The following BIRC6 variants were observed in gnomAD, a reference collection of about 807,000 sequenced individuals.
BIRC6 encodes the protein dual E2 ubiquitin-conjugating enzyme/E3 ubiquitin-protein ligase BIRC6.
BIRC6 carries 98 observed loss-of-function variants against 503.3 expected under a neutral mutation model. The observed-to-expected ratio is 0.19, with a 90% CI of 0.17 to 0.23. The LOEUF (loss-of-function observed/expected upper bound fraction) is 0.23, where lower values mean the gene tolerates loss of function less well. Ranked by LOEUF, BIRC6 falls within the 10% of genes least tolerant of loss-of-function variation. BIRC6 has a pLI of 1.00. For missense variants in BIRC6, 5,360 were observed against 5,806.0 expected (o/e 0.92, Z 2.50); for synonymous variants, 2,240 against 2,078.7 (o/e 1.08, Z -2.11).
chr2:32,497,229 T>C (rs2052583965), intron 45 of BIRC6, among the ~76,000 whole-genome samples: 1 of 152,226 alleles, frequency 6.6e-6, no homozygotes, highest in Admixed American at 6.5e-5. Flanking sequence ...AGGCTGGCTT[T>C]GAACTCCTGA....
rs114187489 is a variant in BIRC6 at position 32,491,690 on chromosome 2, T to C, written c.8340+132T>C. ...TTATGTATCAATATAATAAAAAAGGTTTTGTTATTTGTAATAATAGCTATA... is the reference window on the plus strand; with the variant it reads ...TTATGTATCAATATAATAAAAAAGGCTTTGTTATTTGTAATAATAGCTATA... On this transcript the variant is annotated intron_variant, in intron 44 of 73. Transcript: ENST00000421745. 6.9e-4 allele frequency: 700 copies of C among 1,021,306 alleles called. 9 individuals are homozygous for C. In the African/African-American group the frequency reaches 0.01, roughly 15 times the overall value. 63.3% of individuals were successfully genotyped at this position (1,021,306 alleles called of 1,614,324 possible). A position where few individuals can be genotyped will look rare whatever the true frequency, so the allele number is the denominator to read the frequency against.
At chr2:32,600,853 G>T (rs1300976775) in intron 70 of BIRC6, among the ~76,000 whole-genome samples, 1 of 152,094 alleles carries the variant, frequency 6.6e-6, no homozygotes, top group Non-Finnish European at 1.5e-5. Flanking sequence ...TAGGTATGAG[G>T]CTACATATCT....
At chr2:32,458,045 T>C (rs1480596061) in intron 23 of BIRC6, among the ~76,000 whole-genome samples, 1 of 152,168 alleles carries the variant, frequency 6.6e-6, no homozygotes, top group African/African-American at 2.4e-5. Context: ...CAATATAATA[T>C]AGAATTCTAT....
intron 23 of BIRC6, among the ~76,000 whole-genome samples, chr2:32,461,933 A>G (rs2048037413): frequency 6.6e-6 from 1 of 152,178 alleles, no homozygotes; most frequent in South Asian, 2.1e-4. Context: ...TTCCATGCTT[A>G]ACACTATGCC....
At chr2:32,472,101 C>T (rs1003573239) in intron 32 of BIRC6, among the ~76,000 whole-genome samples, 3 of 152,208 alleles carry the variant, frequency 2.0e-5, no homozygotes, top group African/African-American at 7.2e-5. Context: ...TTGTCTCGTT[C>T]TGTGGCCCAG....
chr2:32,470,124 G>A (rs370379703), intron 30 of BIRC6, 44 bp from the exon 31 acceptor site: 43 of 1,350,326 alleles, frequency 3.2e-5, no homozygotes, highest in Middle Eastern at 2.5e-4. Context: ...TTGAACAATC[G>A]AATTGATTCT....
Position 32,559,018 on chromosome 2 carries a change from C to G in BIRC6, c.13144+9537C>G, listed in dbSNP as rs115582783. The G allele has an allele frequency of 1.5e-3, 232 of 152,106 alleles. 1 individual carries two copies. The highest frequency in any genetic ancestry group is 5.4e-3 in the African/African-American group (224 of 41,524). The allele number at this position is 152,106 out of a possible 1,614,324, so 9.4% of individuals were successfully genotyped here. A position where few individuals can be genotyped will look rare whatever the true frequency, so the allele number is the denominator to read the frequency against. ...CTGTCTGATGAACCTTTACACTGTTCTTTTTCTTTTCAGCTGTTTGAAGAT... is the reference window on the plus strand; with the variant it reads ...CTGTCTGATGAACCTTTACACTGTTGTTTTTCTTTTCAGCTGTTTGAAGAT... On this transcript the variant is annotated intron_variant, in intron 65 of 73. Coordinates refer to ENST00000421745, the MANE Select transcript of BIRC6 (RefSeq NM_016252.4).
intron 54 of BIRC6, among the ~76,000 whole-genome samples, chr2:32,514,347 C>T (rs1434876795): frequency 6.6e-6 from 1 of 152,162 alleles, no homozygotes; most frequent in Non-Finnish European, 1.5e-5. Context: ...AAATGTAAAG[C>T]TAGAAAATTT....
chr2:32,497,990 T>A (rs1230393050), intron 45 of BIRC6, among the ~76,000 whole-genome samples: 1 of 152,234 alleles, frequency 6.6e-6, no homozygotes, highest in Non-Finnish European at 1.5e-5. Context: ...TTTTAAGAAA[T>A]CTTTTTCTGT....
Position 32,524,888 on chromosome 2 carries a change from A to G in BIRC6, c.11624A>G (p.Asp3875Gly). The change falls in exon 58 of 74, where the codon GAT (aspartate) becomes GGT (glycine). Residue 3875 changes from aspartate to glycine, a missense_variant and splice_region_variant. Transcript: ENST00000421745. Reference sequence around the variant, plus strand: ...TATTTTAGATAATATCTTCTTACAGATACTCCAAGTATCACAGCTAAATTA... The same window carrying G: ...TATTTTAGATAATATCTTCTTACAGGTACTCCAAGTATCACAGCTAAATTA... ...TLSDVLDRVSDTPSITAKLIS... is the reference protein window; with the variant it reads ...TLSDVLDRVSGTPSITAKLIS... The G allele has an allele frequency of 6.9e-7, 1 of 1,447,810 alleles. No individual in the cohort carries two copies. The highest frequency in any genetic ancestry group is 9.2e-7 in the Non-Finnish European group (1 of 1,082,880). The allele number at this position is 1,447,810 out of a possible 1,614,324, so 89.7% of individuals were successfully genotyped here.
chr2:32,362,792 T>C (rs576616184), intron 1 of BIRC6, among the ~76,000 whole-genome samples: 2 of 139,112 alleles, frequency 1.4e-5, no homozygotes, highest in Non-Finnish European at 3.1e-5. Context: ...GTCTTAAAAA[T>C]TTTTTTTTTT....
rs1196455561 is a variant in BIRC6 at position 32,503,185 on chromosome 2, C to G, written c.9448C>G (p.Leu3150Val). The G allele has an allele frequency of 3.7e-6, 6 of 1,613,080 alleles. No individual in the cohort carries two copies. The highest frequency in any genetic ancestry group is 5.1e-6 in the Non-Finnish European group (6 of 1,179,562). The stretch of plus-strand genomic sequence containing the variant: ...TGACAGCACATTGAAAACAAGAATA[C>G]TAGCTTCTGAGCCTGACAATGCTGA... Reference protein sequence around the residue: ...AVDSTLKTRILASEPDNAEGI... With the variant: ...AVDSTLKTRIVASEPDNAEGI... Residue 3150 changes from leucine to valine, a missense_variant, in exon 49 of 74, where the codon CTA becomes GTA. Leu to Val is a conservative substitution (Grantham distance 32, BLOSUM62 1). This residue lies in a region of BIRC6 where 267 missense variants were observed against 287.6 expected (regional missense o/e 0.93). Transcript: ENST00000421745.
chr2:32,458,219 CTTTCAGAATT>C (rs887420922), intron 23 of BIRC6, among the ~76,000 whole-genome samples: 5 of 151,790 alleles, frequency 3.3e-5, no homozygotes, highest in African/African-American at 1.2e-4. Context: ...CCTTTTTTTG[CTTTCAGAATT>C]TTTCTGTGAT....
At chr2:32,498,161 A>C (rs2052712115) in intron 45 of BIRC6, among the ~76,000 whole-genome samples, 1 of 152,122 alleles carries the variant, frequency 6.6e-6, no homozygotes, top group Non-Finnish European at 1.5e-5. Flanking sequence ...TTCTGGGTTC[A>C]CGTGATTTTC....
At chr2:32,613,203 G>A (rs2063000463) in intron 73 of BIRC6, among the ~76,000 whole-genome samples, 1 of 151,388 alleles carries the variant, frequency 6.6e-6, no homozygotes, top group African/African-American at 2.4e-5. Context: ...TTGTTTGTTT[G>A]TTTGTTTGTT....
At chr2:32,517,221 G>T (rs1449298114) in intron 55 of BIRC6, among the ~76,000 whole-genome samples, 1 of 151,996 alleles carries the variant, frequency 6.6e-6, no homozygotes, top group Non-Finnish European at 1.5e-5. Flanking sequence ...CGTGCCTTTG[G>T]TCTCAGCTAC....
intron 69 of BIRC6, among the ~76,000 whole-genome samples, chr2:32,599,021 CAAAAAAAAAAAA>C (rs35744882): frequency 7.2e-5 from 2 of 27,812 alleles, no homozygotes; most frequent in East Asian, 1.2e-3. Context: ...AACTCCATCT[CAAAAAAAAAAAA>C]AAAAAAAAAA....
chr2:32,417,317 A>AT lies in BIRC6; in HGVS notation c.2872+1161dup, dbSNP rs575773785. On this transcript the variant is annotated intron_variant, in intron 10 of 73. Transcript: ENST00000421745. ...ACTACCATGTTCAGCTAATTGTTGTATTTTTTTGTAGAAATGGGATTTCGC... is the reference window on the plus strand; with the variant it reads ...ACTACCATGTTCAGCTAATTGTTGTATTTTTTTTGTAGAAATGGGATTTCGC... Among the ~76,000 whole-genome samples the AT allele has an allele frequency of 7.5e-3, 1,139 of 151,494 alleles. 8 individuals are homozygous for AT. Among genetic ancestry groups the AT allele is most frequent in the Middle Eastern group, 0.021 (6 of 288 alleles).
intron 42 of BIRC6, among the ~76,000 whole-genome samples, chr2:32,489,693 G>A (rs937462338): frequency 1.3e-5 from 2 of 152,032 alleles, no homozygotes; most frequent in African/African-American, 2.4e-5. Flanking sequence ...AGTTTTTCCA[G>A]TATCTGTTAC....
Sources: gnomAD v4.1 joint callset for allele counts (sites outside exome capture counted in the v4.1 genomes callset) on GRCh38, gnomAD v4.1.1 for gene constraint, gnomAD v4.1.1 regional missense constraint, MANE v1.5 for transcripts, NCBI Gene and HGNC (gene_info 2026-07-23, HGNC 2026-07-21) for gene names.